The following UNC5D variants were observed in gnomAD, a reference collection of about 807,000 sequenced individuals.
UNC5D encodes unc-5 netrin receptor D, also known as netrin receptor UNC5D.
In UNC5D, 39 loss-of-function variants were observed where a neutral mutation model predicts 105.4. The ratio of observed to expected loss-of-function variants is 0.37; its 90% CI spans 0.29 to 0.48. The LOEUF (loss-of-function observed/expected upper bound fraction) is 0.48. Among genes scored for constraint, UNC5D ranks in the 20% least tolerant of loss-of-function variants. UNC5D has a pLI of 0.98. For missense variants in UNC5D, 991 were observed against 1,202.4 expected, an observed-to-expected ratio of 0.82 and a Z score of 2.60; for synonymous variants, 452 against 450.4, an observed-to-expected ratio of 1.00 and a Z score of -0.04.
At chr8:35,572,275 C>CAAAAAAAAA (rs58478029) in intron 3 of UNC5D, among the ~76,000 whole-genome samples, 1 of 72,476 alleles carries the variant, frequency 1.4e-5, no homozygotes, top group African/African-American at 5.8e-5. Flanking sequence ...GCGAGACTGT[C>CAAAAAAAAA]AAAAAAAAAA....
In UNC5D at chr8:35,722,262, C is replaced by T. The variant is rs527292478; in HGVS notation, c.1170C>T (p.Val390=). ...TGTACTCGGGCTTGGGTGCTGCCGTCGTGGCCGTTGCAGTCCTGGTCATTG... is the reference window on the plus strand; with the variant it reads ...TGTACTCGGGCTTGGGTGCTGCCGTTGTGGCCGTTGCAGTCCTGGTCATTG... ...IALYSGLGAA[V]VAVAVLVIGV... is the part of the protein sequence containing the mutation. The change falls in exon 9 of 17, where the codon GTC becomes GTT. Residue 390 remains valine, a synonymous_variant. Coordinates refer to ENST00000404895, the MANE Select transcript of UNC5D (RefSeq NM_080872.4). 1.8e-5 allele frequency: 29 copies of T among 1,614,120 alleles called. No homozygotes were observed. In the South Asian group the frequency reaches 2.3e-4, roughly 13 times the overall value.
chr8:35,684,462 C>A (rs1159190546), intron 5 of UNC5D, 120 bp from the exon 6 acceptor site: 7 of 1,228,334 alleles, frequency 5.7e-6, no homozygotes, highest in Non-Finnish European at 6.7e-6. Flanking sequence ...GTGGGGGCTG[C>A]ACAGTCTCTC....
chr8:35,457,420 C>A lies in UNC5D; in HGVS notation c.104-91872C>A, dbSNP rs533481620. ...ACAATGACCAGGGTCTAACTGTCTA[C>A]AACTACCACAAATTCTTATACCATT... is the stretch of plus-strand genomic sequence containing the variant. On this transcript the variant is annotated intron_variant, in intron 1 of 16. Coordinates refer to ENST00000404895, the MANE Select transcript of UNC5D (RefSeq NM_080872.4). 2.0e-5 allele frequency among the ~76,000 whole-genome samples: 3 copies of A among 152,300 alleles called. No individual in the cohort carries two copies. The South Asian group carries it at 6.2e-4, about 32-fold the overall frequency.
chr8:35,764,420 G>A (rs998792649), intron 14 of UNC5D, among the ~76,000 whole-genome samples: 1 of 152,180 alleles, frequency 6.6e-6, no homozygotes, highest in Non-Finnish European at 1.5e-5. Flanking sequence ...AGGCTGAGAT[G>A]TGGAGGAAGG....
intron 1 of UNC5D, among the ~76,000 whole-genome samples, chr8:35,453,646 C>T (rs576768692): frequency 6.6e-6 from 1 of 152,232 alleles, no homozygotes; most frequent in Admixed American, 6.5e-5. Flanking sequence ...CAGTTAATTT[C>T]TTCTCTAATT....
chr8:35,616,579 T>G (rs973819601), intron 4 of UNC5D, among the ~76,000 whole-genome samples: 1 of 152,206 alleles, frequency 6.6e-6, no homozygotes, highest in Admixed American at 6.5e-5. Flanking sequence ...GGTTGCTTAG[T>G]GCTGGTAACA....
At chr8:35,429,915 A>T (rs1163095137) in intron 1 of UNC5D, among the ~76,000 whole-genome samples, 2 of 152,134 alleles carry the variant, frequency 1.3e-5, no homozygotes, top group Admixed American at 6.5e-5. Context: ...AAACAACTAT[A>T]TTTCTTTCTG....
At chr8:35,677,791 C>T (rs1430459864) in intron 4 of UNC5D, among the ~76,000 whole-genome samples, 1 of 137,470 alleles carries the variant, frequency 7.3e-6, no homozygotes, top group Non-Finnish European at 1.6e-5. Flanking sequence ...TATATATATG[C>T]TGATATGCTG....
At chr8:35,422,652 G>A (rs1271351319) in intron 1 of UNC5D, among the ~76,000 whole-genome samples, 1 of 152,156 alleles carries the variant, frequency 6.6e-6, no homozygotes, top group Non-Finnish European at 1.5e-5. Context: ...TTGTTTACAT[G>A]AAAATTTGGA....
intron 1 of UNC5D, among the ~76,000 whole-genome samples, chr8:35,266,494 G>A (rs888066316): frequency 2.0e-5 from 3 of 152,140 alleles, no homozygotes; most frequent in Admixed American, 1.3e-4. Context: ...GAGCTTATGT[G>A]GTTTGTTAGA....
chr8:35,734,369 C>T (rs1382001790), intron 11 of UNC5D, among the ~76,000 whole-genome samples: 4 of 138,816 alleles, frequency 2.9e-5, no homozygotes, highest in Non-Finnish European at 6.2e-5. Context: ...AAAAGCCTGT[C>T]TCATTTCCCA....
Position 35,796,441 on chromosome 8 carries a change from A to AC in UNC5D, c.*5878_*5879insC, listed in dbSNP as rs1487920780. The AC allele has an allele frequency of 2.0e-5, 3 of 151,362 alleles. No homozygotes were observed. The highest frequency in any genetic ancestry group is 7.3e-5 in the African/African-American group (3 of 41,230). The allele number at this position is 151,362 out of a possible 1,614,324, so 9.4% of individuals were successfully genotyped here. On this transcript the variant is annotated 3_prime_UTR_variant, in exon 17 of 17. Transcript: ENST00000404895. ...TATGTCGAGTTTGCAAAAAAAAAAAAAAAAAAAAAAACTGGATGGTTGCAG... is the reference window on the plus strand; with the variant it reads ...TATGTCGAGTTTGCAAAAAAAAAAAACAAAAAAAAAAACTGGATGGTTGCAG...
At chr8:35,671,498 G>C (rs1824802644) in intron 4 of UNC5D, among the ~76,000 whole-genome samples, 1 of 152,148 alleles carries the variant, frequency 6.6e-6, no homozygotes, top group South Asian at 2.1e-4. Flanking sequence ...CTTTTGTTTG[G>C]AGCAGGTAAT....
intron 4 of UNC5D, among the ~76,000 whole-genome samples, chr8:35,604,339 A>C (rs1461518935): frequency 6.6e-6 from 1 of 152,130 alleles, no homozygotes; most frequent in Admixed American, 6.5e-5. Flanking sequence ...CTGGGTTGAA[A>C]ATTCTTTTCT....
chr8:35,357,391 C>T (rs987089943), intron 1 of UNC5D, among the ~76,000 whole-genome samples: 2 of 152,086 alleles, frequency 1.3e-5, no homozygotes, highest in African/African-American at 4.8e-5. Flanking sequence ...GCTCATTAAC[C>T]CCAGACTGCT....
At chr8:35,701,880 T>A (rs1449492297) in intron 7 of UNC5D, among the ~76,000 whole-genome samples, 1 of 149,270 alleles carries the variant, frequency 6.7e-6, no homozygotes, top group East Asian at 1.9e-4. Flanking sequence ...CTTTTTTCCC[T>A]TTGTGATTAT....
At chr8:35,511,324 T>A (rs987048600) in intron 1 of UNC5D, among the ~76,000 whole-genome samples, 1 of 152,036 alleles carries the variant, frequency 6.6e-6, no homozygotes, top group Non-Finnish European at 1.5e-5. Context: ...GAAATAAGCA[T>A]TTTATGTGAT....
intron 1 of UNC5D, among the ~76,000 whole-genome samples, chr8:35,457,985 A>T (rs537666892): frequency 6.6e-6 from 1 of 152,306 alleles, no homozygotes; most frequent in East Asian, 1.9e-4. Context: ...AAGTTGAGGT[A>T]AAGCATGTAA....
At chr8:35,495,458 C>CAAAAAAA (rs71547636) in intron 1 of UNC5D, among the ~76,000 whole-genome samples, 51 of 44,456 alleles carry the variant, frequency 1.1e-3, no homozygotes, top group African/African-American at 1.5e-3. Context: ...ACAACAACAA[C>CAAAAAAA]AAAAAAAAAA....
Sources: gnomAD v4.1 joint callset for allele counts (sites outside exome capture counted in the v4.1 genomes callset) on GRCh38, gnomAD v4.1.1 for gene constraint, MANE v1.5 for transcripts, NCBI Gene and HGNC (gene_info 2026-07-23, HGNC 2026-07-21) for gene names.